COLEC10: variants seen among roughly 807,000 people sequenced by gnomAD.
COLEC10 encodes the protein collectin subfamily member 10.
Under a neutral mutation model 28.4 loss-of-function variants are expected in COLEC10, and 22 were observed. The ratio of observed to expected loss-of-function variants is 0.78; its 90% CI spans 0.55 to 1.11. The LOEUF is 1.11. COLEC10 is among the 50% of genes least tolerant of loss of function. COLEC10 has a pLI of 0.00. For missense variants in COLEC10, 361 were observed against 344.1 expected (o/e 1.05, Z -0.39); for synonymous variants, 125 against 116.1 (o/e 1.08, Z -0.49).
the COLEC10 span, among the ~76,000 whole-genome samples, chr8:118,957,231 T>C: frequency 2.0e-5 from 3 of 152,230 alleles, no homozygotes; most frequent in African/African-American, 7.2e-5. Context: ...AAAGTCCCCA[T>C]ACTTCTGAAG....
At chr8:119,090,145 G>C (rs1483681203) in intron 2 of COLEC10, among the ~76,000 whole-genome samples, 2 of 152,050 alleles carry the variant, frequency 1.3e-5, no homozygotes, top group Admixed American at 1.3e-4. Flanking sequence ...GAAACAAAAA[G>C]GGCTACCTGA....
chr8:119,042,634 T>C (rs1347332496), intron 2 of COLEC10, among the ~76,000 whole-genome samples: 2 of 152,172 alleles, frequency 1.3e-5, no homozygotes, highest in African/African-American at 4.8e-5. Context: ...AGTAAATGGA[T>C]GTGCCAGTAG....
the COLEC10 span, among the ~76,000 whole-genome samples, chr8:118,953,298 C>T: frequency 0.093 from 14,148 of 152,252 alleles, 823 homozygotes; most frequent in African/African-American, 0.17. Flanking sequence ...CTCCAAATCA[C>T]TCCTTGTATT....
At chr8:119,001,010 G>A (rs1813687189) in intron 1 of COLEC10, among the ~76,000 whole-genome samples, 1 of 152,128 alleles carries the variant, frequency 6.6e-6, no homozygotes. Context: ...GTTATGGTCT[G>A]GACATTACTG....
chr8:119,012,015 G>A lies in COLEC10; in HGVS notation n.235+2462G>A, dbSNP rs534396421. Among the ~76,000 whole-genome samples, 16 of 150,842 alleles carry A rather than the reference G, an allele frequency of 1.1e-4. 1 individual carries two copies. The highest frequency in any genetic ancestry group is 4.0e-4 in the African/African-American group (16 of 40,456). ...CAGTATGATATTGAAAAGAGGTAGT[G>A]AGAGAGGATATCCTTGCCTTATTCT... On this transcript the variant is annotated intron_variant and non_coding_transcript_variant, in intron 2 of 6. Transcript: ENST00000521788.
At chr8:119,002,969 C>T (rs1181729030) in intron 1 of COLEC10, among the ~76,000 whole-genome samples, 6 of 152,054 alleles carry the variant, frequency 3.9e-5, no homozygotes, top group Admixed American at 3.9e-4. Flanking sequence ...TTTACGTAAT[C>T]ATATTTAAGT....
At chr8:119,024,328 C>T (rs114879380) in intron 2 of COLEC10, among the ~76,000 whole-genome samples, 9 of 151,952 alleles carry the variant, frequency 5.9e-5, no homozygotes, top group South Asian at 4.2e-4. Context: ...AGGAAAAAAA[C>T]GTACTTTAAA....
At chr8:119,027,318 T>C (rs945791806) in intron 2 of COLEC10, among the ~76,000 whole-genome samples, 2 of 152,188 alleles carry the variant, frequency 1.3e-5, no homozygotes, top group Non-Finnish European at 2.9e-5. Flanking sequence ...AATTCATACA[T>C]TTTATTAAGT....
chr8:118,995,988 A>G (rs1813582381), intron 1 of COLEC10, among the ~76,000 whole-genome samples: 1 of 152,118 alleles, frequency 6.6e-6, no homozygotes, highest in Non-Finnish European at 1.5e-5. Flanking sequence ...CAGTTTCTAG[A>G]ACTTATTCAT....
At chr8:119,091,375 C>T (rs1815590205) in intron 3 of COLEC10, among the ~76,000 whole-genome samples, 155 bp downstream of exon 3, 1 of 111,056 alleles carries the variant, frequency 9.0e-6, no homozygotes, top group Non-Finnish European at 1.8e-5. Flanking sequence ...CAGCAAGACC[C>T]AATCTCTACC....
chr8:119,090,323 G>T (rs1013160878), intron 2 of COLEC10, among the ~76,000 whole-genome samples: 1 of 152,190 alleles, frequency 6.6e-6, no homozygotes, highest in Non-Finnish European at 1.5e-5. Context: ...CACTCACAAA[G>T]TTGGGAGTTG....
the COLEC10 span, among the ~76,000 whole-genome samples, chr8:118,968,871 G>A: frequency 6.6e-6 from 1 of 151,896 alleles, no homozygotes; most frequent in African/African-American, 2.4e-5. Context: ...AACATGTGGT[G>A]TTTGGTTTTC....
At chr8:119,010,408 C>T (rs965921463) in intron 2 of COLEC10, among the ~76,000 whole-genome samples, 4 of 150,830 alleles carry the variant, frequency 2.7e-5, no homozygotes, top group African/African-American at 7.4e-5. Flanking sequence ...ATCCATTTAC[C>T]TACTGAATAA....
the COLEC10 span, among the ~76,000 whole-genome samples, chr8:118,972,972 C>T: frequency 1.5e-4 from 23 of 152,062 alleles, no homozygotes; most frequent in African/African-American, 5.5e-4. Context: ...CCTTTTAAAA[C>T]CATCAGATCT....
chr8:119,077,593 T>C (rs1381753551), intron 1 of COLEC10, among the ~76,000 whole-genome samples: 1 of 152,104 alleles, frequency 6.6e-6, no homozygotes, highest in Non-Finnish European at 1.5e-5. Flanking sequence ...TTCTATAGCA[T>C]CAAAAAACAC....
intron 2 of COLEC10, among the ~76,000 whole-genome samples, chr8:119,042,690 C>T (rs920329557): frequency 6.6e-6 from 1 of 152,196 alleles, no homozygotes; most frequent in African/African-American, 2.4e-5. Context: ...GACTCTGCCA[C>T]TTACTAGCTG....
intron 2 of COLEC10, among the ~76,000 whole-genome samples, chr8:119,048,366 A>G (rs1246928709): frequency 6.6e-6 from 1 of 152,168 alleles, no homozygotes; most frequent in Non-Finnish European, 1.5e-5. Context: ...TATTCATTCC[A>G]GTTGGTCAAG....
intron 1 of COLEC10, among the ~76,000 whole-genome samples, chr8:119,078,068 T>C (rs982679482): frequency 1.3e-5 from 2 of 152,150 alleles, no homozygotes; most frequent in Admixed American, 1.3e-4. Flanking sequence ...AACCCACTCA[T>C]TACCACAAGA....
At chr8:119,088,718 G>A (rs1018021830) in intron 1 of COLEC10, among the ~76,000 whole-genome samples, 10 of 152,124 alleles carry the variant, frequency 6.6e-5, no homozygotes, top group Admixed American at 1.3e-4. Context: ...GCACATTCAC[G>A]TGCTCACCTT....
Sources: gnomAD v4.1 joint callset for allele counts (sites outside exome capture counted in the v4.1 genomes callset) on GRCh38, gnomAD v4.1.1 for gene constraint, MANE v1.5 for transcripts, NCBI Gene and HGNC (gene_info 2026-07-23, HGNC 2026-07-21) for gene names.